STOX2: variants seen among roughly 807,000 people sequenced by gnomAD.
The protein encoded by STOX2 is storkhead box 2.
STOX2 carries 28 observed loss-of-function variants against 60.9 expected under a neutral mutation model. That is an observed-to-expected ratio of 0.46 (90% CI 0.34 to 0.63). The LOEUF is 0.63. Ranked by LOEUF, STOX2 falls within the 30% of genes least tolerant of loss-of-function variation. The probability of loss-of-function intolerance (pLI) is 0.01; values close to 1 mark genes in which losing one functional copy is unlikely to be tolerated. For synonymous variants in STOX2, 472 were observed against 463.9 expected (o/e 1.02, Z -0.22); for missense variants, 1,024 against 1,187.7 (o/e 0.86, Z 2.03).
rs1739389588 is a variant in STOX2, at chr4:183,825,035, G to A, written c.364+26980G>A. ...TCCCCTATCTCCTCACACAATCTTG[G>A]GCTTGGGGATCGGGGAGGAACATGG... On this transcript the variant is annotated intron_variant, in intron 1 of 2. Transcript: ENST00000513034. The surrounding 1 kb of genome is among the most constrained non-coding windows in gnomAD (Gnocchi z 4.1). Among the ~76,000 whole-genome samples the A allele has an allele frequency of 6.6e-6, 1 of 152,182 alleles. No individual in the cohort carries two copies. Among genetic ancestry groups the A allele is most frequent in the African/African-American group, 2.4e-5 (1 of 41,438 alleles).
At chr4:183,858,164 C>T (rs189069135) in intron 1 of STOX2, among the ~76,000 whole-genome samples, 55 of 152,336 alleles carry the variant, frequency 3.6e-4, no homozygotes, top group Admixed American at 2.0e-4. Flanking sequence ...ACAGCCCCAT[C>T]CCTAAGCTCT....
chr4:183,837,927 A>C (rs946794328), intron 1 of STOX2, among the ~76,000 whole-genome samples: 118 of 152,238 alleles, frequency 7.8e-4, no homozygotes, highest in African/African-American at 2.7e-3. Context: ...GGGTGTGCAG[A>C]TGTGGGTGTC....
In STOX2 at chr4:184,011,513, C is replaced by G; in HGVS notation, c.2585+90C>G. ...CTTGACAAGTTTCTGATTTCGTAGTCTCAGTTCTATGGATGAGGGTTAAGA... is the reference window on the plus strand; with the variant it reads ...CTTGACAAGTTTCTGATTTCGTAGTGTCAGTTCTATGGATGAGGGTTAAGA... On this transcript the variant is annotated intron_variant, in intron 3 of 3. Transcript: ENST00000308497. The surrounding 1 kb of genome is among the most constrained non-coding windows in gnomAD (Gnocchi z 4.4). 1 of 1,580,620 alleles carries G rather than the reference C, an allele frequency of 6.3e-7. No individual in the cohort carries two copies. The highest frequency in any genetic ancestry group is 8.6e-7 in the Non-Finnish European group (1 of 1,161,358).
intron 1 of STOX2, among the ~76,000 whole-genome samples, chr4:183,891,319 AATAT>A (rs1255247019): frequency 2.4e-4 from 26 of 107,514 alleles, no homozygotes; most frequent in Non-Finnish European, 4.7e-4. Flanking sequence ...TCTATGATGG[AATAT>A]ATATATCTAT....
At chr4:183,967,222 T>G (rs1743600466) in intron 1 of STOX2, among the ~76,000 whole-genome samples, 1 of 151,516 alleles carries the variant, frequency 6.6e-6, no homozygotes, top group Admixed American at 6.6e-5. Flanking sequence ...ATTAGCCGGG[T>G]GTGGTGGTGC....
At chr4:183,891,270 G>A (rs1741201448) in intron 1 of STOX2, among the ~76,000 whole-genome samples, 1 of 145,804 alleles carries the variant, frequency 6.9e-6, no homozygotes, top group South Asian at 2.2e-4. Flanking sequence ...AAACTGGTGT[G>A]TGTGTGTATG....
At chr4:183,863,190 C>T (rs1022899048) in intron 1 of STOX2, among the ~76,000 whole-genome samples, 2 of 152,178 alleles carry the variant, frequency 1.3e-5, no homozygotes, top group African/African-American at 4.8e-5. Flanking sequence ...CAGTGCCTCC[C>T]AGCCCTGGAG....
chr4:183,901,854 C>T (rs1314076426), upstream of STOX2, among the ~76,000 whole-genome samples: 2 of 152,030 alleles, frequency 1.3e-5, no homozygotes, highest in African/African-American at 4.8e-5. Flanking sequence ...CAGATATATG[C>T]TTTATAAATA....
At chr4:183,898,372 C>T (rs369707261) in intron 1 of STOX2, among the ~76,000 whole-genome samples, 15 of 152,130 alleles carry the variant, frequency 9.9e-5, no homozygotes, top group South Asian at 8.3e-4. Flanking sequence ...TGGAAATGTA[C>T]GCTAAGACCC....
intron 1 of STOX2, among the ~76,000 whole-genome samples, chr4:183,991,555 G>A (rs942918177): frequency 2.0e-5 from 3 of 151,934 alleles, no homozygotes; most frequent in Admixed American, 2.0e-4. Context: ...AGCCACCCGA[G>A]TAGCTGGGAT....
At position 184,021,714 on chromosome 4, in the gene STOX2, G is replaced by A. The variant is rs753868336; in HGVS notation, c.*4430G>A. On this transcript the variant is annotated 3_prime_UTR_variant, in exon 4 of 4. Transcript: ENST00000308497. ...TTTATCAAGTACTCTTCACAGTGCT[G>A]CTTGGCACCATAGAAAATCAGTACA... 4 of 152,210 alleles carry A rather than the reference G, an allele frequency of 2.6e-5. No individual in the cohort carries two copies. The highest frequency in any genetic ancestry group is 9.6e-5 in the African/African-American group (4 of 41,460). The allele number at this position is 152,210 out of a possible 1,614,324, so 9.4% of individuals were successfully genotyped here. A position where few individuals can be genotyped will look rare whatever the true frequency, so the allele number is the denominator to read the frequency against.
intron 1 of STOX2, among the ~76,000 whole-genome samples, chr4:183,888,273 A>G (rs1741128047): frequency 1.3e-5 from 2 of 152,332 alleles, no homozygotes; most frequent in South Asian, 2.1e-4. Context: ...GCTAACATTT[A>G]TAATGCTCTC....
chr4:183,883,136 C>G (rs1579370868), intron 1 of STOX2, among the ~76,000 whole-genome samples: 1 of 151,992 alleles, frequency 6.6e-6, no homozygotes. Flanking sequence ...ACTCCCTCCT[C>G]CCCCCAATTA....
Position 184,009,014 on chromosome 4 carries a change from C to G in STOX2, c.320-144C>G, listed in dbSNP as rs142858829. The G allele has an allele frequency of 4.1e-4, 268 of 655,434 alleles. No individual in the cohort carries two copies. The African/African-American group carries it at 4.4e-3, about 11-fold the overall frequency. The allele number at this position is 655,434 out of a possible 1,614,324, so 40.6% of individuals were successfully genotyped here. ...CAAGAAGGCGAGGATTTGCACTGAA[C>G]TTAATGAACACCTTTGTCTGAATTG... is the stretch of plus-strand genomic sequence containing the variant. On this transcript the variant is annotated intron_variant, in intron 2 of 3. Coordinates refer to ENST00000308497, the MANE Select transcript of STOX2 (RefSeq NM_020225.3). This position sits in a 1 kb window ranked among gnomAD's most constrained non-coding sequence, Gnocchi z 4.0.
At chr4:183,801,636 G>A (rs932111980) in intron 1 of STOX2, among the ~76,000 whole-genome samples, 6 of 152,192 alleles carry the variant, frequency 3.9e-5, no homozygotes, top group Admixed American at 6.5e-5. Context: ...GGGGTGGGGC[G>A]GGAGTTCCTG....
chr4:183,803,365 T>C (rs61648735), intron 1 of STOX2, among the ~76,000 whole-genome samples: 97,060 of 151,884 alleles, frequency 0.64, 31,393 homozygotes, highest in East Asian at 0.77. Context: ...TGTTAGCACC[T>C]AAGCCTGGCC....
At chr4:183,798,307 C>T (rs138184073) in intron 1 of STOX2, among the ~76,000 whole-genome samples, 1 of 151,072 alleles carries the variant, frequency 6.6e-6, no homozygotes, top group East Asian at 1.9e-4. Context: ...GGAGCCTCCC[C>T]GGTGGCGGGC....
chr4:183,898,975 A>AT (rs1161272525), intron 1 of STOX2, among the ~76,000 whole-genome samples: 1 of 152,062 alleles, frequency 6.6e-6, no homozygotes, highest in African/African-American at 2.4e-5. Flanking sequence ...TATGGGCGCC[A>AT]TTTTTCCAAC....
chr4:183,811,968 C>CTG (rs10691074), intron 1 of STOX2, among the ~76,000 whole-genome samples: 40,247 of 143,128 alleles, frequency 0.28, 6,493 homozygotes, highest in African/African-American at 0.46. Flanking sequence ...GGGTCTCACT[C>CTG]TCACCCAGGC....
Sources: gnomAD v4.1 joint callset for allele counts (sites outside exome capture counted in the v4.1 genomes callset) on GRCh38, gnomAD v4.1.1 for gene constraint, Gnocchi (gnomAD v3.1) non-coding constraint, MANE v1.5 for transcripts, NCBI Gene and HGNC (gene_info 2026-07-23, HGNC 2026-07-21) for gene names.